NTM: variants seen among roughly 807,000 people sequenced by gnomAD.
NTM encodes neurotrimin.
A neutral mutation model predicts 42.1 loss-of-function variants in NTM; 13 were observed. The ratio of observed to expected loss-of-function variants is 0.31; its 90% CI spans 0.20 to 0.49. The LOEUF (loss-of-function observed/expected upper bound fraction) is 0.49, where lower values mean the gene tolerates loss of function less well. NTM is among the 20% of genes least tolerant of loss of function. The probability of loss-of-function intolerance (pLI) is 0.99; values close to 1 mark genes in which losing one functional copy is unlikely to be tolerated. For missense variants in NTM, 373 were observed against 452.8 expected, an observed-to-expected ratio of 0.82 and a Z score of 1.60; for synonymous variants, 187 against 179.2, an observed-to-expected ratio of 1.04 and a Z score of -0.35.
intron 3 of NTM, among the ~76,000 whole-genome samples, chr11:132,190,668 C>T (rs2079159786): frequency 6.6e-6 from 1 of 151,512 alleles, no homozygotes; most frequent in Non-Finnish European, 1.5e-5. Context: ...ACCCAGGTGG[C>T]CCAGGTTGCA....
chr11:132,077,254 A>T (rs1166986525), intron 2 of NTM, among the ~76,000 whole-genome samples: 3 of 152,250 alleles, frequency 2.0e-5, no homozygotes, highest in Non-Finnish European at 4.4e-5. Flanking sequence ...ATCTGTTGAT[A>T]ACAGTGATGA....
intron 2 of NTM, among the ~76,000 whole-genome samples, chr11:131,912,926 T>C (rs2055495970): frequency 6.6e-6 from 1 of 152,064 alleles, no homozygotes; most frequent in South Asian, 2.1e-4. Context: ...CCAAAGGAAG[T>C]GTGTAATTTA....
intron 1 of NTM, among the ~76,000 whole-genome samples, chr11:131,485,436 C>T (rs1954066820): frequency 6.6e-6 from 1 of 152,092 alleles, no homozygotes; most frequent in South Asian, 2.1e-4. Flanking sequence ...GTGGGACTCC[C>T]CATCCAATCT....
chr11:132,313,669 A>G (rs534463291), intron 6 of NTM, among the ~76,000 whole-genome samples: 1 of 152,290 alleles, frequency 6.6e-6, no homozygotes, highest in Admixed American at 6.5e-5. Context: ...CTTCCTGAGA[A>G]GGAGGACATG....
At chr11:132,122,039 G>A (rs917751118) in intron 2 of NTM, among the ~76,000 whole-genome samples, 1 of 152,318 alleles carries the variant, frequency 6.6e-6, no homozygotes, top group African/African-American at 2.4e-5. Flanking sequence ...ACTGAAAGGG[G>A]AGCACCTAAA....
intron 1 of NTM, among the ~76,000 whole-genome samples, chr11:131,545,725 T>C (rs2053846508): frequency 6.6e-6 from 1 of 152,186 alleles, no homozygotes; most frequent in Admixed American, 6.5e-5. Flanking sequence ...TGGGGACATA[T>C]TAGCGAAACT....
At chr11:131,879,004 C>T (rs567420345) in intron 1 of NTM, among the ~76,000 whole-genome samples, 7 of 152,092 alleles carry the variant, frequency 4.6e-5, no homozygotes, top group Admixed American at 6.5e-5. Context: ...CTCCAATCCA[C>T]GGAACTCACT....
At chr11:131,656,854 G>T (rs562213847) in intron 1 of NTM, among the ~76,000 whole-genome samples, 1 of 152,160 alleles carries the variant, frequency 6.6e-6, no homozygotes, top group Admixed American at 6.5e-5. Context: ...TTCCCAAGAA[G>T]ATGACCTACT....
chr11:131,725,540 C>A (rs949303715), intron 1 of NTM, among the ~76,000 whole-genome samples: 1 of 152,016 alleles, frequency 6.6e-6, no homozygotes, highest in Admixed American at 6.5e-5. Flanking sequence ...GCATCCCAGG[C>A]AGAGGAGGCA....
chr11:132,039,486 G>A (rs1251815921), intron 2 of NTM, among the ~76,000 whole-genome samples: 2 of 150,080 alleles, frequency 1.3e-5, no homozygotes, highest in Admixed American at 6.7e-5. Flanking sequence ...TAAACTCTTA[G>A]GCTCAAGCGA....
intron 1 of NTM, among the ~76,000 whole-genome samples, chr11:131,905,090 G>A (rs1482279737): frequency 1.3e-5 from 2 of 152,312 alleles, no homozygotes; most frequent in East Asian, 1.9e-4. Flanking sequence ...AGCATGAGAA[G>A]CCTGGGAGCA....
intron 1 of NTM, among the ~76,000 whole-genome samples, chr11:131,879,965 T>C (rs773686407): frequency 1.3e-5 from 2 of 152,258 alleles, no homozygotes; most frequent in Admixed American, 6.5e-5. Context: ...GTTTGCTTTT[T>C]GCTTTTACCA....
chr11:132,250,012 A>T (rs995848846), intron 4 of NTM, among the ~76,000 whole-genome samples: 1 of 152,104 alleles, frequency 6.6e-6, no homozygotes, highest in Non-Finnish European at 1.5e-5. Flanking sequence ...TACATCTGGG[A>T]TTATTTTCCT....
intron 1 of NTM, chr11:131,671,373 G>A (rs2134639997): frequency 1.0e-6 from 1 of 952,774 alleles, no homozygotes; most frequent in African/African-American, 1.8e-5. Context: ...GAAGGCCAGG[G>A]ACACCTGTCT....
In NTM at chr11:131,531,616, A is replaced by G. The variant is rs186897343; in HGVS notation, c.82+160728A>G. Among the ~76,000 whole-genome samples the G allele has an allele frequency of 8.7e-4, 133 of 152,332 alleles. 1 individual carries two copies. The highest frequency in any genetic ancestry group is 3.1e-3 in the African/African-American group (129 of 41,576). On this transcript the variant is annotated intron_variant, in intron 1 of 8. Transcript: ENST00000683400. Reference sequence around the variant, plus strand: ...TGTTAAGACTGCCTGTTCTCTTGGCATAGAACTAAAATAAAACTAAACATA... The same window carrying G: ...TGTTAAGACTGCCTGTTCTCTTGGCGTAGAACTAAAATAAAACTAAACATA...
At chr11:132,161,123 T>A (rs1293027948) in intron 3 of NTM, among the ~76,000 whole-genome samples, 2 of 152,060 alleles carry the variant, frequency 1.3e-5, no homozygotes, top group African/African-American at 2.4e-5. Flanking sequence ...CCTTCCTTCT[T>A]GCCTGGCCAG....
At chr11:132,318,361 G>C (rs1168657464) in intron 7 of NTM, among the ~76,000 whole-genome samples, 1 of 152,118 alleles carries the variant, frequency 6.6e-6, no homozygotes, top group Non-Finnish European at 1.5e-5. Flanking sequence ...ATGTTACAAA[G>C]GCTTTGAAAA....
At chr11:132,187,569 G>A (rs1261920744) in intron 3 of NTM, among the ~76,000 whole-genome samples, 1 of 152,076 alleles carries the variant, frequency 6.6e-6, no homozygotes, top group African/African-American at 2.4e-5. Flanking sequence ...ATTTGCCCTG[G>A]GTAATGAGCC....
chr11:132,287,898 TATATG>T (rs2094310111), intron 4 of NTM, among the ~76,000 whole-genome samples: 1 of 152,238 alleles, frequency 6.6e-6, no homozygotes, highest in Non-Finnish European at 1.5e-5. Context: ...TTGTTTGGTG[TATATG>T]TGTCTATTTT....
Sources: gnomAD v4.1 joint callset for allele counts (sites outside exome capture counted in the v4.1 genomes callset) on GRCh38, gnomAD v4.1.1 for gene constraint, MANE v1.5 for transcripts, NCBI Gene and HGNC (gene_info 2026-07-23, HGNC 2026-07-21) for gene names.